LCP1: variants seen among roughly 807,000 people sequenced by gnomAD.
LCP1 encodes lymphocyte cytosolic protein 1, also known as plastin-2.
Under a neutral mutation model 72.0 loss-of-function variants are expected in LCP1, and 23 were observed. The observed-to-expected ratio is 0.32, with a 90% CI of 0.23 to 0.45. LCP1 has a LOEUF of 0.45. Among genes scored for constraint, LCP1 ranks in the 20% least tolerant of loss-of-function variants. The pLI is 1.00. For synonymous variants in LCP1, 245 were observed against 275.4 expected, an observed-to-expected ratio of 0.89 and a Z score of 1.09; for missense variants, 571 against 748.3, an observed-to-expected ratio of 0.76 and a Z score of 2.76.
intron 1 of LCP1, among the ~76,000 whole-genome samples, chr13:46,164,278 T>G (rs1449593896): frequency 6.6e-6 from 1 of 152,138 alleles, no homozygotes; most frequent in Non-Finnish European, 1.5e-5. Flanking sequence ...AACAAAACAA[T>G]TACAGTGTTG....
Position 46,151,946 on chromosome 13 carries a change from C to T in LCP1, c.739+834G>A, listed in dbSNP as rs117418058. On this transcript the variant is annotated intron_variant, in intron 7 of 15. Coordinates refer to ENST00000323076, the MANE Select transcript of LCP1 (RefSeq NM_002298.5). ...ATACAGATAAGATGGTGAGAGAAGA[C>T]GCAATAAGATTGACAGCTACATATT... is the stretch of plus-strand genomic sequence containing the variant. 5.9e-5 allele frequency among the ~76,000 whole-genome samples: 9 copies of T among 152,246 alleles called. No individual in the cohort carries two copies. In the East Asian group the frequency reaches 9.6e-4, roughly 16 times the overall value.
At chr13:46,153,532 C>G (rs1185153753) in intron 6 of LCP1, among the ~76,000 whole-genome samples, 1 of 151,954 alleles carries the variant, frequency 6.6e-6, no homozygotes, top group Admixed American at 6.6e-5. Context: ...GAAACCCCAT[C>G]TCTACTAAAA....
chr13:46,176,984 C>T (rs1019560895), intron 1 of LCP1, among the ~76,000 whole-genome samples: 1 of 152,042 alleles, frequency 6.6e-6, no homozygotes, highest in African/African-American at 2.4e-5. Context: ...AATGCTGCAA[C>T]CACAGAACTG....
At chr13:46,141,232 C>A (rs985764378) in intron 13 of LCP1, among the ~76,000 whole-genome samples, 1 of 151,198 alleles carries the variant, frequency 6.6e-6, no homozygotes, top group Admixed American at 6.6e-5. Flanking sequence ...ACGGTGAAAC[C>A]CCGTCTCTAC....
At chr13:46,178,160 A>C (rs943741206) in intron 1 of LCP1, among the ~76,000 whole-genome samples, 3 of 152,222 alleles carry the variant, frequency 2.0e-5, no homozygotes, top group African/African-American at 7.2e-5. Flanking sequence ...ACTACCTCAC[A>C]GGACTGTATG....
chr13:46,158,782 T>C (rs780683045), intron 3 of LCP1, 44 bp downstream of exon 3: 8 of 1,605,454 alleles, frequency 5.0e-6, no homozygotes, highest in Non-Finnish European at 6.8e-6. Flanking sequence ...GAATTCAAGT[T>C]CCAAGTTTCA....
intron 12 of LCP1, 157 bp from the exon 13 acceptor site, chr13:46,142,582 T>A: frequency 1.3e-6 from 1 of 775,000 alleles, no homozygotes; most frequent in Non-Finnish European, 2.0e-6. Flanking sequence ...GATTCAAAAT[T>A]AAAGAATTTT....
intron 1 of LCP1, among the ~76,000 whole-genome samples, chr13:46,175,023 G>C (rs1244889573): frequency 6.6e-6 from 1 of 152,110 alleles, no homozygotes; most frequent in East Asian, 1.9e-4. Flanking sequence ...TAAAATGAGA[G>C]AGAGGAAAGG....
intron 1 of LCP1, among the ~76,000 whole-genome samples, chr13:46,164,990 T>G (rs2045868395): frequency 6.6e-6 from 1 of 152,150 alleles, no homozygotes; most frequent in Admixed American, 6.5e-5. Context: ...GTAATTAAAC[T>G]GAATGTGCAA....
At chr13:46,156,825 C>CTTTTT (rs1208440641) in intron 4 of LCP1, among the ~76,000 whole-genome samples, 6 of 137,442 alleles carry the variant, frequency 4.4e-5, no homozygotes, top group African/African-American at 5.8e-5. Context: ...CTTTTCTTTT[C>CTTTTT]TTTTTTTTTT....
chr13:46,152,895 C>G lies in LCP1; in HGVS notation c.624G>C (p.Val208=). 6.2e-7 allele frequency: 1 copy of G among 1,613,980 alleles called. No individual in the cohort carries two copies. The change falls in exon 7 of 16, where the codon GTG becomes GTC. Residue 208 remains valine (V), a synonymous_variant. Coordinates refer to ENST00000323076, the MANE Select transcript of LCP1 (RefSeq NM_002298.5). The part of the protein sequence containing the change: ...LNSASAIGCH[V]VNIGAEDLKE... ...TCAGGTCCTCAGCCCCTATGTTGAC[C>G]ACATGGCACCCGATGGCTGAGGCAG...
In LCP1 at chr13:46,127,100, G is replaced by A. The variant is rs2045603596; in HGVS notation, c.*491C>T. On this transcript the variant is annotated 3_prime_UTR_variant, in exon 16 of 16. Transcript: ENST00000323076. ...CAAAAGTGTGAGGAGCAAAGTCAAGGGAGGCAGGGTAGGAAGAGGGGACAG... is the reference window on the plus strand; with the variant it reads ...CAAAAGTGTGAGGAGCAAAGTCAAGAGAGGCAGGGTAGGAAGAGGGGACAG... The A allele has an allele frequency of 4.3e-6, 1 of 231,858 alleles. No homozygotes were observed. Among genetic ancestry groups the A allele is most frequent in the Non-Finnish European group, 8.5e-6 (1 of 117,274 alleles). 14.4% of individuals were successfully genotyped at this position (231,858 alleles called of 1,614,324 possible).
intron 10 of LCP1, 24 bp downstream of exon 10, chr13:46,146,884 C>T (rs2045733827): frequency 6.2e-7 from 1 of 1,612,544 alleles, no homozygotes. Flanking sequence ...CTTTCCCCAT[C>T]TTAGGCAAAT....
chr13:46,158,125 T>C (rs752957144), intron 4 of LCP1, among the ~76,000 whole-genome samples: 7 of 152,268 alleles, frequency 4.6e-5, no homozygotes, highest in Non-Finnish European at 5.9e-5. Context: ...GTTTCCATTA[T>C]GGCTGTTGGA....
intron 9 of LCP1, among the ~76,000 whole-genome samples, chr13:46,147,492 T>A (rs2045738176): frequency 6.6e-6 from 1 of 152,238 alleles, no homozygotes; most frequent in East Asian, 1.9e-4. Flanking sequence ...AAAAATTTTA[T>A]TTATTAATTT....
chr13:46,156,354 T>C (rs1351109940), intron 5 of LCP1, 84 bp downstream of exon 5: 10 of 1,529,868 alleles, frequency 6.5e-6, no homozygotes, highest in Non-Finnish European at 9.0e-6. Context: ...CCAAACAAAG[T>C]TGGCCTACGA....
chr13:46,130,672 A>C, intron 15 of LCP1, 142 bp downstream of exon 15: 1 of 963,558 alleles, frequency 1.0e-6, no homozygotes, highest in Non-Finnish European at 1.6e-6. Context: ...TGATGATGAG[A>C]CTGCAGAAAG....
At chr13:46,163,929 A>G (rs9534345) in intron 1 of LCP1, among the ~76,000 whole-genome samples, 5,121 of 152,342 alleles carry the variant, frequency 0.034, 138 homozygotes, top group Middle Eastern at 0.058. Flanking sequence ...CCAGCCCTTC[A>G]TGTTTTTAAA....
chr13:46,176,513 G>A lies in LCP1; in HGVS notation c.-25+5598C>T, dbSNP rs1028623937. 4.6e-5 allele frequency among the ~76,000 whole-genome samples: 7 copies of A among 152,136 alleles called. No homozygotes were observed. The East Asian group carries it at 1.2e-3, about 25-fold the overall frequency. On this transcript the variant is annotated intron_variant, in intron 1 of 15. Coordinates refer to ENST00000323076, the MANE Select transcript of LCP1 (RefSeq NM_002298.5). ...ACTTTGCCTAAGGAATGCTGAATAG[G>A]GAAAATATGCAAATTTTATACAAAT...
Sources: gnomAD v4.1 joint callset for allele counts (sites outside exome capture counted in the v4.1 genomes callset) on GRCh38, gnomAD v4.1.1 for gene constraint, MANE v1.5 for transcripts, NCBI Gene and HGNC (gene_info 2026-07-23, HGNC 2026-07-21) for gene names.